Variants in GIMAP6 observed in about 807,000 individuals in gnomAD.
GIMAP6 encodes GTPase, IMAP family member 6.
Under a neutral mutation model 9.3 loss-of-function variants are expected in GIMAP6, and 6 were observed. That is an observed-to-expected ratio of 0.65 (90% confidence interval 0.35 to 1.27). The LOEUF (loss-of-function observed/expected upper bound fraction) is 1.27, where lower values mean the gene tolerates loss of function less well. GIMAP6 is among the 50% of genes most tolerant of loss of function. GIMAP6 has a pLI of 0.03. For missense variants in GIMAP6, 333 were observed against 359.5 expected, an observed-to-expected ratio of 0.93 and a Z score of 0.60; for synonymous variants, 156 against 151.1, an observed-to-expected ratio of 1.03 and a Z score of -0.24.
In GIMAP6 at chr7:150,627,135, A is replaced by C. The variant is rs778925702; in HGVS notation, c.*584T>G. The C allele has an allele frequency of 1.2e-4, 19 of 156,764 alleles. No homozygotes were observed. The highest frequency in any genetic ancestry group is 2.7e-4 in the Non-Finnish European group (19 of 71,356). 9.7% of individuals were successfully genotyped at this position (156,764 alleles called of 1,614,324 possible). On this transcript the variant is annotated 3_prime_UTR_variant, in exon 3 of 3. Coordinates refer to ENST00000328902, the MANE Select transcript of GIMAP6 (RefSeq NM_024711.6). ...TAAAAGGGCTGCTCCTCCTGCCTCC[A>C]TCCCTGTTCCTGCTTGCTCTCCTCC...
rs1161324248 is a variant in GIMAP6, at chr7:150,628,152, A to G, written c.446T>C (p.Val149Ala). Residue 149 changes from valine to alanine, a missense_variant, in exon 3 of 3, where the codon GTC becomes GCC. Val to Ala is a moderately conservative substitution (Grantham distance 64, BLOSUM62 0). Coordinates refer to ENST00000328902, the MANE Select transcript of GIMAP6 (RefSeq NM_024711.6). ...GTGACCCAGAACCCCCACTCCAAAG[A>G]CCTCCTGCAGGCGCCTGACCACCTG... is the stretch of plus-strand genomic sequence containing the variant. ...DQQVVRRLQE[V>A]FGVGVLGHTI... The G allele has an allele frequency of 1.2e-6, 2 of 1,613,718 alleles. No individual in the cohort carries two copies. Among genetic ancestry groups the G allele is most frequent in the Admixed American group, 3.3e-5 (2 of 59,988 alleles).
chr7:150,627,583 C>CCAT lies in GIMAP6; in HGVS notation c.*133_*135dup. 1 of 1,026,038 alleles carries CCAT rather than the reference C, an allele frequency of 9.7e-7. No individual in the cohort carries two copies. The highest frequency in any genetic ancestry group is 1.3e-5 in the South Asian group (1 of 74,272). 63.6% of individuals were successfully genotyped at this position (1,026,038 alleles called of 1,614,324 possible). A position where few individuals can be genotyped will look rare whatever the true frequency, so the allele number is the denominator to read the frequency against. ...GCATGCTGGACCCTGTCCTCAAGCC[C>CCAT]CATGCCCCTCTTCCTACACCAGACG... On this transcript the variant is annotated 3_prime_UTR_variant, in exon 3 of 3. Transcript: ENST00000328902.
Position 150,627,823 on chromosome 7 carries a change from A to G in GIMAP6, c.775T>C (p.Ser259Pro), listed in dbSNP as rs1796320544. 1 of 1,614,190 alleles carries G rather than the reference A, an allele frequency of 6.2e-7. No homozygotes were observed. Among genetic ancestry groups the G allele is most frequent in the Non-Finnish European group, 8.5e-7 (1 of 1,180,022 alleles). Residue 259 changes from serine to proline, a missense_variant, in exon 3 of 3, where the codon TCT becomes CCT. By Grantham distance (74) the Ser-to-Pro change is moderately conservative (BLOSUM62 -1). Coordinates refer to ENST00000328902, the MANE Select transcript of GIMAP6 (RefSeq NM_024711.6). The stretch of plus-strand genomic sequence containing the variant: ...GACTCCTCACCAGGCACGTCCTCAG[A>G]GCCTTGGCCCTGGCTTACTTGCCTT... ...QERQVSQGQG[S>P]EDVPGEESWL...
chr7:150,630,606 A>C (rs191100394), intron 1 of GIMAP6, among the ~76,000 whole-genome samples: 8 of 152,294 alleles, frequency 5.3e-5, no homozygotes, highest in Non-Finnish European at 7.4e-5. Flanking sequence ...GACGTGAATG[A>C]GTAGGATGTT....
At chr7:150,629,662 T>C (rs886193387) in intron 2 of GIMAP6, among the ~76,000 whole-genome samples, 16 of 152,066 alleles carry the variant, frequency 1.1e-4, no homozygotes, top group African/African-American at 3.1e-4. Flanking sequence ...ACAGCTCCAC[T>C]TCGGAGTCAG....
In GIMAP6 at chr7:150,628,685, G is replaced by A. The variant is rs569709506; in HGVS notation, c.86-173C>T. ...CCATTCTGGGCCCACATCCTTGAAG[G>A]TGGGGCTGAACGTTCTCTCCCAGTG... On this transcript the variant is annotated intron_variant, in intron 2 of 2. Transcript: ENST00000328902. 8 of 1,553,412 alleles carry A rather than the reference G, an allele frequency of 5.1e-6. No individual in the cohort carries two copies. In the East Asian group the frequency reaches 1.4e-4, roughly 27 times the overall value.
intron 1 of GIMAP6, among the ~76,000 whole-genome samples, chr7:150,631,266 T>C (rs1239936437): frequency 2.0e-5 from 3 of 152,206 alleles, no homozygotes; most frequent in African/African-American, 4.8e-5. Context: ...TGCTTTATGA[T>C]TGGTAAAGAT....
At chr7:150,630,036 C>G in intron 2 of GIMAP6, 22 bp downstream of exon 2, 72 of 1,492,670 alleles carry the variant, frequency 4.8e-5, no homozygotes, top group Non-Finnish European at 5.9e-5. Context: ...CCCACTTGCT[C>G]CCCTCTCCTC....
rs551385309 is a variant in GIMAP6, at chr7:150,626,854, G to C, written c.*865C>G. ...TAGGAGCAGAAGGCAAATATCATGA[G>C]GGGCCATGAAACCCATGGAAAAAGG... On this transcript the variant is annotated 3_prime_UTR_variant, in exon 3 of 3. Transcript: ENST00000328902. The C allele has an allele frequency of 1.3e-5, 2 of 152,336 alleles. No homozygotes were observed. Among genetic ancestry groups the C allele is most frequent in the East Asian group, 3.9e-4 (2 of 5,178 alleles). The allele number at this position is 152,336 out of a possible 1,614,324, so 9.4% of individuals were successfully genotyped here.
At chr7:150,632,006 CACACACACAACACTCACAT>C (rs1184915560) in intron 1 of GIMAP6, among the ~76,000 whole-genome samples, 144 bp downstream of exon 1, 2 of 151,862 alleles carry the variant, frequency 1.3e-5, no homozygotes, top group Non-Finnish European at 2.9e-5. Flanking sequence ...ACATACACAA[CACACACACAACACTCACAT>C]ACACACACAA....
Position 150,626,978 on chromosome 7 carries a change from T to A in GIMAP6, c.*741A>T, listed in dbSNP as rs1796304050. On this transcript the variant is annotated 3_prime_UTR_variant, in exon 3 of 3. Transcript: ENST00000328902. The stretch of plus-strand genomic sequence containing the variant: ...CCACTTGCATCCCTAGGGGCTTCCA[T>A]GTTCTGTAGCCAGGGCAAGGGACCA... 6.6e-6 allele frequency: 1 copy of A among 152,442 alleles called. No individual in the cohort carries two copies. Among genetic ancestry groups the A allele is most frequent in the African/African-American group, 2.4e-5 (1 of 41,456 alleles). 9.4% of individuals were successfully genotyped at this position (152,442 alleles called of 1,614,324 possible). A position where few individuals can be genotyped will look rare whatever the true frequency, so the allele number is the denominator to read the frequency against.
chr7:150,631,525 C>T (rs1796391340), intron 1 of GIMAP6, among the ~76,000 whole-genome samples: 1 of 152,226 alleles, frequency 6.6e-6, no homozygotes, highest in South Asian at 2.1e-4. Flanking sequence ...AATGTAATCT[C>T]ATTCCTCCTT....
intron 2 of GIMAP6, 44 bp from the exon 3 acceptor site, chr7:150,628,556 C>T: frequency 6.2e-7 from 1 of 1,604,522 alleles, no homozygotes; most frequent in African/African-American, 1.3e-5. Flanking sequence ...GGTAAGGGCC[C>T]ATGTACCCCA....
At position 150,626,727 on chromosome 7, in the gene GIMAP6, C is replaced by T. The variant is rs1796300129; in HGVS notation, c.*992G>A. ...CCCACAAATACTTTGCTAGGGAACC[C>T]GTTTGCACACGCAGACACCCCATCC... On this transcript the variant is annotated 3_prime_UTR_variant, in exon 3 of 3. Coordinates refer to ENST00000328902, the MANE Select transcript of GIMAP6 (RefSeq NM_024711.6). The T allele has an allele frequency of 6.6e-6, 1 of 152,214 alleles. No individual in the cohort carries two copies. The highest frequency in any genetic ancestry group is 2.4e-5 in the African/African-American group (1 of 41,432). 9.4% of individuals were successfully genotyped at this position (152,214 alleles called of 1,614,324 possible). A position where few individuals can be genotyped will look rare whatever the true frequency, so the allele number is the denominator to read the frequency against.
rs1335787167 is a variant in GIMAP6 at position 150,625,375 on chromosome 7, T to C, written c.*2344A>G. 2 of 152,192 alleles carry C rather than the reference T, an allele frequency of 1.3e-5. No individual in the cohort carries two copies. The highest frequency in any genetic ancestry group is 4.8e-5 in the African/African-American group (2 of 41,450). The allele number at this position is 152,192 out of a possible 1,614,324, so 9.4% of individuals were successfully genotyped here. A position where few individuals can be genotyped will look rare whatever the true frequency, so the allele number is the denominator to read the frequency against. On this transcript the variant is annotated 3_prime_UTR_variant, in exon 3 of 3. Coordinates refer to ENST00000328902, the MANE Select transcript of GIMAP6 (RefSeq NM_024711.6). ...GCAATAAAAGAGAGAAAACACCATATTTGAGGTAAATAAAAACAACATTTA... is the reference window on the plus strand; with the variant it reads ...GCAATAAAAGAGAGAAAACACCATACTTGAGGTAAATAAAAACAACATTTA...
At chr7:150,630,341 G>C (rs1205290840) in intron 1 of GIMAP6, among the ~76,000 whole-genome samples, 199 bp from the exon 2 acceptor site, 1 of 152,008 alleles carries the variant, frequency 6.6e-6, no homozygotes, top group Admixed American at 6.6e-5. Flanking sequence ...TATTTCTTTA[G>C]GGATGCTATC....
At position 150,627,527 on chromosome 7, in the gene GIMAP6, GA is replaced by G. The variant is rs1796314722; in HGVS notation, c.*191del. The G allele has an allele frequency of 4.6e-6, 3 of 647,014 alleles. No individual in the cohort carries two copies. Among genetic ancestry groups the G allele is most frequent in the Admixed American group, 5.5e-5 (2 of 36,478 alleles). The allele number at this position is 647,014 out of a possible 1,614,324, so 40.1% of individuals were successfully genotyped here. A position where few individuals can be genotyped will look rare whatever the true frequency, so the allele number is the denominator to read the frequency against. ...GAGGGAGGACCCAGATGTTCTGGAAGAAGGAATGAAGGAACTGGAATGTGAT... is the reference window on the plus strand; with the variant it reads ...GAGGGAGGACCCAGATGTTCTGGAAGAGGAATGAAGGAACTGGAATGTGAT... On this transcript the variant is annotated 3_prime_UTR_variant, in exon 3 of 3. Transcript: ENST00000328902.
In GIMAP6 at chr7:150,627,964, G is replaced by A. The variant is rs779061760; in HGVS notation, c.634C>T (p.Leu212=). ...TCAACTTTCTCCATGAGCTCTCGCA[G>A]TTGGGCCTCCTGCTCCTCCCCCTGT... ...RAQGEEQEAQ[L]RELMEKVEAI... Residue 212 remains leucine, a synonymous_variant, in exon 3 of 3, where the codon CTG becomes TTG. Transcript: ENST00000328902. The A allele has an allele frequency of 2.5e-6, 4 of 1,614,276 alleles. No individual in the cohort carries two copies. The highest frequency in any genetic ancestry group is 1.6e-4 in the Middle Eastern group (1 of 6,062).
At chr7:150,630,486 G>T (rs183791885) in intron 1 of GIMAP6, among the ~76,000 whole-genome samples, 31 of 152,302 alleles carry the variant, frequency 2.0e-4, no homozygotes, top group South Asian at 8.3e-4. Flanking sequence ...GAGGTGGGGG[G>T]AGGTGGAGGA....
Sources: allele counts gnomAD v4.1 joint callset (sites outside exome capture counted in the v4.1 genomes callset), GRCh38; gene constraint gnomAD v4.1.1; transcripts MANE v1.5; gene names NCBI Gene and HGNC (gene_info 2026-07-23, HGNC 2026-07-21).